The following TRPS1 variants were observed in gnomAD, a reference collection of about 807,000 sequenced individuals.
TRPS1 encodes zinc finger transcription factor Trps1.
A neutral mutation model predicts 101.2 loss-of-function variants in TRPS1; 6 were observed. The observed-to-expected ratio is 0.06, with a 90% confidence interval of 0.03 to 0.12. The LOEUF (loss-of-function observed/expected upper bound fraction) is 0.12, where lower values mean the gene tolerates loss of function less well. Among genes scored for constraint, TRPS1 ranks in the 10% least tolerant of loss-of-function variants. TRPS1 has a pLI of 1.00. For missense variants in TRPS1, 1,363 were observed against 1,567.0 expected (o/e 0.87, Z 2.20); for synonymous variants, 578 against 589.8 (o/e 0.98, Z 0.29).
At chr8:115,417,582 T>G (rs2129764923) in intron 6 of TRPS1, among the ~76,000 whole-genome samples, 1 of 152,256 alleles carries the variant, frequency 6.6e-6, no homozygotes, top group South Asian at 2.1e-4. Context: ...CTTCAGTAAG[T>G]CAAATCCATA....
At chr8:115,470,229 T>C (rs1016979981) in intron 5 of TRPS1, among the ~76,000 whole-genome samples, 4 of 152,230 alleles carry the variant, frequency 2.6e-5, no homozygotes, top group Non-Finnish European at 5.9e-5. Context: ...ACTTGCTTTA[T>C]ACTTAATGTC....
At position 115,418,607 on chromosome 8, in the gene TRPS1, G is replaced by GCAC. The variant is rs1225165930; in HGVS notation, c.2701-158_2701-156dup. 6.6e-6 allele frequency among the ~76,000 whole-genome samples: 1 copy of GCAC among 152,174 alleles called. No homozygotes were observed. Among genetic ancestry groups the GCAC allele is most frequent in the Non-Finnish European group, 1.5e-5 (1 of 68,034 alleles). ...GGTCAGGTTCAATTGTGTTTAATAG[G>GCAC]CACCACTGATTTTCATTATAATTAA... On this transcript the variant is annotated intron_variant, in intron 5 of 6. Coordinates refer to ENST00000395715, the MANE Select transcript of TRPS1 (RefSeq NM_014112.5). This position sits in a 1 kb window ranked among gnomAD's most constrained non-coding sequence, Gnocchi z 4.3.
At chr8:115,568,965 TA>T (rs1817137523) in intron 5 of TRPS1, among the ~76,000 whole-genome samples, 2 of 152,086 alleles carry the variant, frequency 1.3e-5, no homozygotes, top group Admixed American at 6.6e-5. Context: ...AATACTGAAT[TA>T]AAAGATGAAC....
intron 4 of TRPS1, among the ~76,000 whole-genome samples, chr8:115,594,961 T>A (rs975677179): frequency 5.9e-5 from 9 of 151,940 alleles, no homozygotes; most frequent in Non-Finnish European, 2.9e-5. Flanking sequence ...GATAATAGCA[T>A]GTTACTTTCA....
At chr8:115,514,361 C>T (rs540819812) in intron 5 of TRPS1, among the ~76,000 whole-genome samples, 4 of 151,762 alleles carry the variant, frequency 2.6e-5, no homozygotes, top group South Asian at 4.1e-4. Context: ...CTCTGCCACT[C>T]GTCAGCTGTG....
At chr8:115,447,776 T>A (rs1450003536) in intron 5 of TRPS1, among the ~76,000 whole-genome samples, 1 of 152,122 alleles carries the variant, frequency 6.6e-6, no homozygotes, top group Non-Finnish European at 1.5e-5. Flanking sequence ...GATTAAATAC[T>A]TAAAAAAACC....
At chr8:115,503,202 C>T (rs66701013) in intron 5 of TRPS1, among the ~76,000 whole-genome samples, 38,398 of 147,128 alleles carry the variant, frequency 0.26, 5,393 homozygotes, top group East Asian at 0.44. Context: ...TGCAGTGAGC[C>T]GAGATCGCAC....
At chr8:115,550,735 C>G (rs188540245) in intron 5 of TRPS1, among the ~76,000 whole-genome samples, 20 of 152,280 alleles carry the variant, frequency 1.3e-4, no homozygotes, top group Admixed American at 9.8e-4. Context: ...CCTTGGTATT[C>G]TTGGAAATCT....
At chr8:115,606,223 C>T (rs963924926) in intron 3 of TRPS1, among the ~76,000 whole-genome samples, 5 of 152,108 alleles carry the variant, frequency 3.3e-5, no homozygotes, top group African/African-American at 1.2e-4. Flanking sequence ...TGCTGTAGTA[C>T]ACTGAGAGAT....
At chr8:115,425,622 C>T (rs1813168985) in intron 5 of TRPS1, among the ~76,000 whole-genome samples, 1 of 152,196 alleles carries the variant, frequency 6.6e-6, no homozygotes, top group African/African-American at 2.4e-5. Context: ...CACATTAGCT[C>T]CATCTCTTCT....
chr8:115,434,341 A>C (rs953659897), intron 5 of TRPS1, among the ~76,000 whole-genome samples: 4 of 152,154 alleles, frequency 2.6e-5, no homozygotes, highest in Admixed American at 2.6e-4. Context: ...AAACAGAGAG[A>C]CTTCTGGAAG....
intron 5 of TRPS1, among the ~76,000 whole-genome samples, chr8:115,468,100 C>T (rs541551254): frequency 2.6e-5 from 4 of 152,150 alleles, no homozygotes; most frequent in African/African-American, 4.8e-5. Context: ...TTTCAATTTC[C>T]GAAATACGAA....
intron 3 of TRPS1, among the ~76,000 whole-genome samples, chr8:115,609,534 G>C (rs924057212): frequency 6.6e-6 from 1 of 152,138 alleles, no homozygotes; most frequent in African/African-American, 2.4e-5. Context: ...AGGCCCCTGA[G>C]TTACCTGAGA....
chr8:115,574,091 T>C (rs538510729), intron 5 of TRPS1, among the ~76,000 whole-genome samples: 1 of 152,300 alleles, frequency 6.6e-6, no homozygotes, highest in East Asian at 1.9e-4. Context: ...TGTATATAAC[T>C]TGAGTACAGA....
chr8:115,445,277 G>C (rs1813704312), intron 5 of TRPS1, among the ~76,000 whole-genome samples: 1 of 152,052 alleles, frequency 6.6e-6, no homozygotes, highest in East Asian at 1.9e-4. Context: ...TGTTTCCAGG[G>C]CTTCTTCTTA....
intron 5 of TRPS1, among the ~76,000 whole-genome samples, chr8:115,508,044 A>G (rs1815490634): frequency 6.6e-6 from 1 of 152,166 alleles, no homozygotes; most frequent in South Asian, 2.1e-4. Flanking sequence ...AAAATAAAAA[A>G]TCAGAACATT....
intron 5 of TRPS1, among the ~76,000 whole-genome samples, chr8:115,432,784 T>C (rs1813354163): frequency 6.6e-6 from 1 of 152,006 alleles, no homozygotes; most frequent in Admixed American, 6.6e-5. Context: ...ACCAAATTAC[T>C]CCACTTATCT....
rs998979831 is a variant in TRPS1 at position 115,411,156 on chromosome 8, T to C, written c.*2867A>G. The C allele has an allele frequency of 6.6e-6, 1 of 152,194 alleles. No homozygotes were observed. The highest frequency in any genetic ancestry group is 1.5e-5 in the Non-Finnish European group (1 of 67,926). The allele number at this position is 152,194 out of a possible 1,614,324, so 9.4% of individuals were successfully genotyped here. On this transcript the variant is annotated 3_prime_UTR_variant, in exon 7 of 7. Transcript: ENST00000395715. ...TAAAATTATCAATAATAAAGAAGTA[T>C]GGAATAAGATCTATCGTGTCAACGC... is the stretch of plus-strand genomic sequence containing the variant.
intron 5 of TRPS1, among the ~76,000 whole-genome samples, chr8:115,430,215 T>C (rs537196853): frequency 2.0e-5 from 3 of 152,288 alleles, no homozygotes; most frequent in Non-Finnish European, 4.4e-5. Context: ...TCTTGAATTG[T>C]CTTAAATCAC....
Sources: gnomAD v4.1 joint callset for allele counts (sites outside exome capture counted in the v4.1 genomes callset) on GRCh38, gnomAD v4.1.1 for gene constraint, Gnocchi (gnomAD v3.1) non-coding constraint, MANE v1.5 for transcripts, NCBI Gene and HGNC (gene_info 2026-07-23, HGNC 2026-07-21) for gene names.